GUCY1B1: variants seen among roughly 807,000 people sequenced by gnomAD.
The protein encoded by GUCY1B1 is guanylate cyclase soluble subunit beta-1.
Under a neutral mutation model 71.0 loss-of-function variants are expected in GUCY1B1, and 43 were observed. That is an observed-to-expected ratio of 0.61 (90% CI 0.47 to 0.78). GUCY1B1 has a LOEUF of 0.78. Among genes scored for constraint, GUCY1B1 ranks in the 30% least tolerant of loss-of-function variants. The probability of loss-of-function intolerance (pLI) is 0.00; values close to 1 mark genes in which losing one functional copy is unlikely to be tolerated. For missense variants in GUCY1B1, 535 were observed against 754.1 expected, an observed-to-expected ratio of 0.71 and a Z score of 3.40; for synonymous variants, 266 against 259.7, an observed-to-expected ratio of 1.02 and a Z score of -0.23.
At position 155,759,099 on chromosome 4, in the gene GUCY1B1, C is replaced by T. The variant is rs757252605; in HGVS notation, c.-42C>T. 6.3e-7 allele frequency: 1 copy of T among 1,585,680 alleles called. No homozygotes were observed. Among genetic ancestry groups the T allele is most frequent in the Non-Finnish European group, 8.6e-7 (1 of 1,166,462 alleles). On this transcript the variant is annotated 5_prime_UTR_variant, in exon 1 of 14. Coordinates refer to ENST00000264424, the MANE Select transcript of GUCY1B1 (RefSeq NM_000857.5). ...TCTGCCTGGGTCCCTTCGGCCGTACCTCTGCGTGGGGGCTGCCTCCCCGGC... is the reference window on the plus strand; with the variant it reads ...TCTGCCTGGGTCCCTTCGGCCGTACTTCTGCGTGGGGGCTGCCTCCCCGGC...
chr4:155,802,276 C>T lies in GUCY1B1; in HGVS notation c.1176-66C>T. 1.3e-6 allele frequency: 2 copies of T among 1,597,856 alleles called. No individual in the cohort carries two copies. The highest frequency in any genetic ancestry group is 8.5e-7 in the Non-Finnish European group (1 of 1,173,108). ...CGACACTGATGCTGTGTGAAAAGGACAGCAGAAGCACTAAAGGCTTTCCCA... is the reference window on the plus strand; with the variant it reads ...CGACACTGATGCTGTGTGAAAAGGATAGCAGAAGCACTAAAGGCTTTCCCA... On this transcript the variant is annotated intron_variant, in intron 9 of 13. Coordinates refer to ENST00000264424, the MANE Select transcript of GUCY1B1 (RefSeq NM_000857.5). This position sits in a 1 kb window ranked among gnomAD's most constrained non-coding sequence, Gnocchi z 4.3.
rs1740043813 is a variant in GUCY1B1 at position 155,802,705 on chromosome 4, A to G, written c.1413+126A>G. 4.2e-6 allele frequency: 3 copies of G among 708,932 alleles called. No individual in the cohort carries two copies. The highest frequency in any genetic ancestry group is 4.6e-6 in the Non-Finnish European group (2 of 430,918). 43.9% of individuals were successfully genotyped at this position (708,932 alleles called of 1,614,324 possible). ...GCAGCCTTGAGTACAGTGAGCCTCC[A>G]TGTATTCACTCTTTACCATGTTCTT... On this transcript the variant is annotated intron_variant, in intron 10 of 13. Coordinates refer to ENST00000264424, the MANE Select transcript of GUCY1B1 (RefSeq NM_000857.5). This position sits in a 1 kb window ranked among gnomAD's most constrained non-coding sequence, Gnocchi z 4.3.
At chr4:155,789,977 C>G in intron 5 of GUCY1B1, 66 bp downstream of exon 5, 12 of 1,007,052 alleles carry the variant, frequency 1.2e-5, no homozygotes, top group Non-Finnish European at 1.8e-5. Context: ...ATGACACTCT[C>G]TAAATTTACC....
At chr4:155,780,752 C>T (rs866945715) in intron 4 of GUCY1B1, among the ~76,000 whole-genome samples, 19 of 148,100 alleles carry the variant, frequency 1.3e-4, no homozygotes, top group African/African-American at 4.3e-4. Context: ...ATTTTTTTTA[C>T]GGATGAATCA....
chr4:155,787,699 C>T (rs1305216344), intron 4 of GUCY1B1, among the ~76,000 whole-genome samples: 1 of 152,144 alleles, frequency 6.6e-6, no homozygotes, highest in East Asian at 1.9e-4. Context: ...CATACAATAA[C>T]ATTATAGAGT....
intron 3 of GUCY1B1, among the ~76,000 whole-genome samples, chr4:155,777,158 C>A (rs1738106189): frequency 6.6e-6 from 1 of 152,216 alleles, no homozygotes; most frequent in Non-Finnish European, 1.5e-5. Context: ...CAATCCATTA[C>A]ACGAGTTCAG....
chr4:155,765,434 G>A (rs755037763), intron 2 of GUCY1B1, among the ~76,000 whole-genome samples: 24 of 152,158 alleles, frequency 1.6e-4, no homozygotes, highest in Non-Finnish European at 3.4e-4. Context: ...GTTCGTTAAA[G>A]AGGAAATGGT....
intron 5 of GUCY1B1, among the ~76,000 whole-genome samples, chr4:155,792,083 T>A (rs1739220052): frequency 6.6e-6 from 1 of 152,184 alleles, no homozygotes; most frequent in Non-Finnish European, 1.5e-5. Flanking sequence ...ACTTCTGAAA[T>A]ATTTGCATTT....
At chr4:155,796,973 T>C (rs1739598284) in intron 8 of GUCY1B1, among the ~76,000 whole-genome samples, 1 of 152,182 alleles carries the variant, frequency 6.6e-6, no homozygotes, top group Admixed American at 6.5e-5. Flanking sequence ...ATTAAAAATA[T>C]TTACCTACTC....
chr4:155,769,613 G>T (rs3796567), intron 2 of GUCY1B1, among the ~76,000 whole-genome samples: 85,317 of 151,886 alleles, frequency 0.56, 24,686 homozygotes, highest in Middle Eastern at 0.75. Flanking sequence ...CAAACTAGGA[G>T]GCATGAAGAT....
Position 155,800,003 on chromosome 4 carries a change from A to G in GUCY1B1, c.1104A>G (p.Glu368=). 1 of 1,613,762 alleles carries G rather than the reference A, an allele frequency of 6.2e-7. No homozygotes were observed. Among genetic ancestry groups the G allele is most frequent in the Non-Finnish European group, 8.5e-7 (1 of 1,179,708 alleles). The change falls in exon 9 of 14, where the codon GAA becomes GAG. Residue 368 remains glutamate (E), a synonymous_variant. Coordinates refer to ENST00000264424, the MANE Select transcript of GUCY1B1 (RefSeq NM_000857.5). ...GAGAGGAATACAAACTCACCCAAGA[A>G]CTGGAAATCCTCACTGACAGGCTAC... ...QFREEYKLTQ[E]LEILTDRLQL...
At chr4:155,804,315 G>GAAC (rs1235068941) in intron 11 of GUCY1B1, among the ~76,000 whole-genome samples, 1 of 152,074 alleles carries the variant, frequency 6.6e-6, no homozygotes, top group Admixed American at 6.6e-5. Context: ...TGAACAATGA[G>GAAC]AACACATGGA....
In GUCY1B1 at chr4:155,804,701, A is replaced by G; in HGVS notation, c.1663A>G (p.Thr555Ala). 6.2e-7 allele frequency: 1 copy of G among 1,613,464 alleles called. No homozygotes were observed. The highest frequency in any genetic ancestry group is 8.5e-7 in the Non-Finnish European group (1 of 1,179,578). The stretch of plus-strand genomic sequence containing the variant: ...TGTCAACCTCACAAGCCGAACAGAA[A>G]CCACAGGAGAAAAGGGAAAAATAAA... ...NTVNLTSRTE[T>A]TGEKGKINVS... The change falls in exon 12 of 14, where the codon ACC becomes GCC. Residue 555 changes from threonine to alanine, a missense_variant. Thr to Ala is a moderately conservative substitution (Grantham distance 58). Transcript: ENST00000264424.
intron 2 of GUCY1B1, among the ~76,000 whole-genome samples, chr4:155,760,427 C>A (rs1198186143): frequency 1.4e-5 from 2 of 144,418 alleles, no homozygotes; most frequent in African/African-American, 2.6e-5. Flanking sequence ...ACTGCCCACC[C>A]CCCCCGCCCC....
chr4:155,770,980 A>G, intron 2 of GUCY1B1, among the ~76,000 whole-genome samples: 1 of 152,192 alleles, frequency 6.6e-6, no homozygotes, highest in Non-Finnish European at 1.5e-5. Flanking sequence ...CAGCTAAAAT[A>G]TAAGCTTTAT....
intron 4 of GUCY1B1, among the ~76,000 whole-genome samples, chr4:155,789,393 A>T (rs551909152): frequency 6.6e-6 from 1 of 152,312 alleles, no homozygotes; most frequent in African/African-American, 2.4e-5. Flanking sequence ...AAGCTCTTGT[A>T]AATGTATCTT....
chr4:155,798,011 C>T (rs944259160), intron 8 of GUCY1B1, among the ~76,000 whole-genome samples: 2 of 152,042 alleles, frequency 1.3e-5, no homozygotes, highest in Non-Finnish European at 2.9e-5. Context: ...ACAGGTTGAG[C>T]TTAGGAGAAT....
At chr4:155,775,552 C>T (rs1561008633) in intron 3 of GUCY1B1, among the ~76,000 whole-genome samples, 2 of 152,132 alleles carry the variant, frequency 1.3e-5, no homozygotes, top group Non-Finnish European at 2.9e-5. Flanking sequence ...GCTCAGCCTC[C>T]GAAAGTGCTG....
chr4:155,763,681 G>A (rs1319953260), intron 2 of GUCY1B1, among the ~76,000 whole-genome samples: 1 of 151,994 alleles, frequency 6.6e-6, no homozygotes, highest in Non-Finnish European at 1.5e-5. Context: ...AATGTGTCTT[G>A]TTAAATTTGC....
Sources: allele counts gnomAD v4.1 joint callset (sites outside exome capture counted in the v4.1 genomes callset), GRCh38; gene constraint gnomAD v4.1.1; non-coding constraint Gnocchi (gnomAD v3.1); transcripts MANE v1.5; gene names NCBI Gene and HGNC (gene_info 2026-07-23, HGNC 2026-07-21).